KCND2: variants seen among roughly 807,000 people sequenced by gnomAD.
The protein encoded by KCND2 is A-type voltage-gated potassium channel KCND2.
In KCND2, 16 loss-of-function variants were observed where a neutral mutation model predicts 54.4. The observed-to-expected ratio is 0.29, with a 90% CI of 0.20 to 0.45. The LOEUF (loss-of-function observed/expected upper bound fraction) is 0.45. Among genes scored for constraint, KCND2 ranks in the 20% least tolerant of loss-of-function variants. The pLI is 1.00. For synonymous variants in KCND2, 317 were observed against 310.7 expected (o/e 1.02, Z -0.21); for missense variants, 486 against 824.2 (o/e 0.59, Z 5.02).
intron 1 of KCND2, among the ~76,000 whole-genome samples, chr7:120,532,038 A>T (rs1791849085): frequency 6.6e-6 from 1 of 151,996 alleles, no homozygotes; most frequent in Non-Finnish European, 1.5e-5. Context: ...GTCAAACAGA[A>T]CTCTGATGTA....
chr7:120,507,033 TATG>T (rs1437236220), intron 1 of KCND2, among the ~76,000 whole-genome samples: 1 of 151,914 alleles, frequency 6.6e-6, no homozygotes, highest in African/African-American at 2.4e-5. Flanking sequence ...ACATGGACAT[TATG>T]ATAAATTAAC....
At chr7:120,686,427 A>T (rs1470385642) in intron 1 of KCND2, among the ~76,000 whole-genome samples, 2 of 152,218 alleles carry the variant, frequency 1.3e-5, no homozygotes, top group Admixed American at 1.3e-4. Context: ...TCCTACTGTT[A>T]GCAGCAGCAA....
chr7:120,667,335 A>G (rs1791939567), intron 1 of KCND2, among the ~76,000 whole-genome samples: 2 of 152,096 alleles, frequency 1.3e-5, no homozygotes, highest in African/African-American at 2.4e-5. Flanking sequence ...ATGTACTTAC[A>G]AAGTCTTCTG....
chr7:120,675,716 C>G (rs1389874487), intron 1 of KCND2, among the ~76,000 whole-genome samples: 2 of 152,128 alleles, frequency 1.3e-5, no homozygotes, highest in Admixed American at 1.3e-4. Context: ...AGGATGACCT[C>G]TCAGGTTATT....
At chr7:120,678,764 ATAT>A (rs1792103695) in intron 1 of KCND2, among the ~76,000 whole-genome samples, 1 of 144,440 alleles carries the variant, frequency 6.9e-6, no homozygotes, top group African/African-American at 2.5e-5. Context: ...ATATATATAT[ATAT>A]ATATATATAT....
intron 1 of KCND2, among the ~76,000 whole-genome samples, chr7:120,277,257 A>G (rs1237480475): frequency 2.6e-5 from 4 of 152,054 alleles, no homozygotes; most frequent in Non-Finnish European, 4.4e-5. Flanking sequence ...TACTTCTTAT[A>G]TTTCCTTTTT....
intron 1 of KCND2, among the ~76,000 whole-genome samples, chr7:120,591,036 C>T (rs1792665201): frequency 6.6e-6 from 1 of 152,028 alleles, no homozygotes; most frequent in South Asian, 2.1e-4. Context: ...ATTATTTTTC[C>T]TACTATGATA....
intron 1 of KCND2, among the ~76,000 whole-genome samples, chr7:120,489,171 A>T (rs1304170103): frequency 6.6e-6 from 1 of 152,102 alleles, no homozygotes; most frequent in African/African-American, 2.4e-5. Flanking sequence ...CATCTAGAAC[A>T]TGTAGCATAC....
intron 1 of KCND2, among the ~76,000 whole-genome samples, chr7:120,723,147 T>C (rs1792690033): frequency 6.6e-6 from 1 of 152,078 alleles, no homozygotes; most frequent in Non-Finnish European, 1.5e-5. Context: ...GCCCTGACAG[T>C]GTTGAAGATG....
chr7:120,617,635 A>G (rs994355574), intron 1 of KCND2, among the ~76,000 whole-genome samples: 4 of 152,160 alleles, frequency 2.6e-5, no homozygotes, highest in Admixed American at 1.3e-4. Flanking sequence ...CCAGCAATCC[A>G]GTTACTGGGT....
chr7:120,622,477 C>T (rs9641643), intron 1 of KCND2, among the ~76,000 whole-genome samples: 6,994 of 150,600 alleles, frequency 0.046, 487 homozygotes, highest in African/African-American at 0.15. Flanking sequence ...ATTAACCATG[C>T]GAAATTGTTA....
chr7:120,368,736 A>G (rs968940626), intron 1 of KCND2, among the ~76,000 whole-genome samples: 4 of 152,242 alleles, frequency 2.6e-5, no homozygotes, highest in African/African-American at 7.2e-5. Context: ...TATAAGCCAA[A>G]TCTCTTGGAA....
Position 120,409,272 on chromosome 7 carries a change from A to G in KCND2, c.1115+133525A>G, listed in dbSNP as rs114683872. On this transcript the variant is annotated intron_variant, in intron 1 of 5. Coordinates refer to ENST00000331113, the MANE Select transcript of KCND2 (RefSeq NM_012281.3). ...TGTGTGCCCCTATTCCTTCATATGA[A>G]AAAAGATACAATGTAATATTCACCT... 9.6e-3 allele frequency among the ~76,000 whole-genome samples: 1,458 copies of G among 152,066 alleles called. 23 individuals carry two copies. Among genetic ancestry groups the G allele is most frequent in the African/African-American group, 0.033 (1,362 of 41,514 alleles).
At chr7:120,541,863 T>C (rs1298788021) in intron 1 of KCND2, among the ~76,000 whole-genome samples, 3 of 152,188 alleles carry the variant, frequency 2.0e-5, no homozygotes, top group Non-Finnish European at 2.9e-5. Context: ...GGCAATTCAT[T>C]TGAAAGTAGT....
At chr7:120,332,010 A>T (rs1800076609) in intron 1 of KCND2, among the ~76,000 whole-genome samples, 1 of 151,912 alleles carries the variant, frequency 6.6e-6, no homozygotes, top group Non-Finnish European at 1.5e-5. Context: ...GGAGAAGGGG[A>T]TGTTGTAAAA....
intron 1 of KCND2, among the ~76,000 whole-genome samples, chr7:120,493,847 A>G (rs1447299409): frequency 6.6e-6 from 1 of 152,178 alleles, no homozygotes; most frequent in Non-Finnish European, 1.5e-5. Context: ...TCATAGGAGC[A>G]TAATCCACAG....
intron 1 of KCND2, among the ~76,000 whole-genome samples, chr7:120,629,640 C>G (rs1793208461): frequency 6.6e-6 from 1 of 152,110 alleles, no homozygotes; most frequent in African/African-American, 2.4e-5. Context: ...ACGATGGGGT[C>G]AAGGTGGACG....
At chr7:120,473,371 G>A (rs935920822) in intron 1 of KCND2, among the ~76,000 whole-genome samples, 1 of 152,176 alleles carries the variant, frequency 6.6e-6, no homozygotes, top group African/African-American at 2.4e-5. Flanking sequence ...CATTATGGGA[G>A]AGGATTTCGG....
At chr7:120,673,385 A>G (rs1443393150) in intron 1 of KCND2, among the ~76,000 whole-genome samples, 3 of 152,068 alleles carry the variant, frequency 2.0e-5, no homozygotes, top group Non-Finnish European at 4.4e-5. Context: ...ACTTCCCTCA[A>G]AATCTGATTC....
Sources: gnomAD v4.1 joint callset for allele counts (sites outside exome capture counted in the v4.1 genomes callset) on GRCh38, gnomAD v4.1.1 for gene constraint, MANE v1.5 for transcripts, NCBI Gene and HGNC (gene_info 2026-07-23, HGNC 2026-07-21) for gene names.